The following MECR variants were observed in gnomAD, a reference collection of about 807,000 sequenced individuals.
MECR encodes the protein enoyl-[acyl-carrier-protein] reductase, mitochondrial.
Under a neutral mutation model 49.1 loss-of-function variants are expected in MECR, and 37 were observed. The ratio of observed to expected loss-of-function variants is 0.75; its 90% CI spans 0.58 to 0.99. The LOEUF (loss-of-function observed/expected upper bound fraction) is 0.99. MECR is among the 50% of genes least tolerant of loss of function. The pLI is 0.00. For missense variants in MECR, 470 were observed against 479.6 expected (o/e 0.98, Z 0.19); for synonymous variants, 198 against 191.1 (o/e 1.04, Z -0.30).
the MECR span, chr1:29,181,914 G>T: frequency 2.1e-6 from 1 of 470,516 alleles, no homozygotes; most frequent in Non-Finnish European, 3.5e-6. Context: ...TCGCGAGCGC[G>T]CGCTTCCACT....
intron 1 of MECR, among the ~76,000 whole-genome samples, chr1:29,225,733 G>A (rs941062981): frequency 1.4e-4 from 22 of 152,086 alleles, no homozygotes; most frequent in Non-Finnish European, 1.3e-4. Flanking sequence ...CTAAAATGTG[G>A]GTTTAAAAAT....
intron 4 of MECR, among the ~76,000 whole-genome samples, chr1:29,205,987 A>G (rs984625273): frequency 6.6e-6 from 1 of 152,122 alleles, no homozygotes; most frequent in Non-Finnish European, 1.5e-5. Flanking sequence ...AACCCAAATA[A>G]AAACACTTGG....
the MECR span, among the ~76,000 whole-genome samples, chr1:29,178,898 G>A: frequency 6.6e-6 from 1 of 152,162 alleles, no homozygotes; most frequent in Non-Finnish European, 1.5e-5. Context: ...ATTCCTCAAT[G>A]ATGCCAGGAG....
Position 29,228,609 on chromosome 1 carries a change from C to G in MECR, c.176+2122G>C, listed in dbSNP as rs145208079. 5.6e-3 allele frequency among the ~76,000 whole-genome samples: 847 copies of G among 152,176 alleles called. 9 individuals are homozygous for G. Among genetic ancestry groups the G allele is most frequent in the African/African-American group, 0.019 (797 of 41,504 alleles). On this transcript the variant is annotated intron_variant, in intron 1 of 9. Transcript: ENST00000263702. The stretch of plus-strand genomic sequence containing the variant: ...GGGATTACAGGCATGAGCCATCGCG[C>G]CCGGTTGGAAGTATCATGTTTTGAA...
chr1:29,206,111 T>C (rs1676515283), intron 4 of MECR, among the ~76,000 whole-genome samples: 1 of 152,254 alleles, frequency 6.6e-6, no homozygotes, highest in African/African-American at 2.4e-5. Flanking sequence ...CTCTGCACTG[T>C]ATGCCCAGCA....
intron 1 of MECR, chr1:29,223,837 C>G (rs1171924056): frequency 3.3e-5 from 5 of 152,088 alleles, no homozygotes; most frequent in African/African-American, 1.2e-4. Context: ...AAGGGCCTGG[C>G]TCCCAGGGAA....
chr1:29,175,082 G>A, the MECR span, among the ~76,000 whole-genome samples: 4 of 151,216 alleles, frequency 2.6e-5, no homozygotes, highest in African/African-American at 9.7e-5. Flanking sequence ...AACCCAAAAT[G>A]CAAAGAGTTA....
At chr1:29,194,522 G>A (rs976589055) in intron 9 of MECR, among the ~76,000 whole-genome samples, 1 of 152,170 alleles carries the variant, frequency 6.6e-6, no homozygotes, top group Non-Finnish European at 1.5e-5. Context: ...AAAGGATGGC[G>A]GAGGCAGGGA....
intron 2 of MECR, 72 bp from the exon 3 acceptor site, chr1:29,216,208 G>C: frequency 7.1e-6 from 11 of 1,559,308 alleles, no homozygotes; most frequent in Non-Finnish European, 9.6e-6. Flanking sequence ...TTGAGTCCAC[G>C]CCATCCTAGG....
chr1:29,203,913 G>C (rs1253859561), intron 4 of MECR, among the ~76,000 whole-genome samples: 5 of 152,240 alleles, frequency 3.3e-5, no homozygotes, highest in African/African-American at 1.2e-4. Context: ...CTACAGTTCT[G>C]TGGCAAAGCC....
the MECR span, among the ~76,000 whole-genome samples, chr1:29,179,191 G>A: frequency 6.6e-6 from 1 of 152,020 alleles, no homozygotes; most frequent in Non-Finnish European, 1.5e-5. Flanking sequence ...TCTAATAGTC[G>A]TTGTTTCTGG....
rs150101123 is a variant in MECR at position 29,202,034 on chromosome 1, T to C, written c.665A>G (p.Gln222Arg). ...INVVRDRPDIQKLSDRLKSLG... is the reference protein window; with the variant it reads ...INVVRDRPDIRKLSDRLKSLG... Reference sequence around the variant, plus strand: ...ACTCTTCAGTCTGTCACTCAGCTTCTGGATATCAGGTCTGGAAACCAAACA... The same window carrying C: ...ACTCTTCAGTCTGTCACTCAGCTTCCGGATATCAGGTCTGGAAACCAAACA... The change falls in exon 6 of 10, where the codon CAG becomes CGG. Residue 222 changes from glutamine to arginine, a missense_variant. Physicochemically the swap from Gln to Arg is conservative, Grantham distance 43. Coordinates refer to ENST00000263702, the MANE Select transcript of MECR (RefSeq NM_016011.5). 7 of 1,614,084 alleles carry C rather than the reference T, an allele frequency of 4.3e-6. No homozygotes were observed. The highest frequency in any genetic ancestry group is 5.9e-6 in the Non-Finnish European group (7 of 1,180,036).
downstream of MECR, among the ~76,000 whole-genome samples, chr1:29,191,138 C>T (rs965700468): frequency 6.6e-6 from 1 of 152,166 alleles, no homozygotes; most frequent in African/African-American, 2.4e-5. Flanking sequence ...GAATCATTGC[C>T]TTCACTGTTC....
chr1:29,175,725 T>G, the MECR span, among the ~76,000 whole-genome samples: 2 of 110,152 alleles, frequency 1.8e-5, no homozygotes, highest in African/African-American at 6.2e-5. Flanking sequence ...AAAAAAAAAT[T>G]TCCAATTATA....
At chr1:29,206,932 A>G (rs199725037) in intron 3 of MECR, 27 bp from the exon 4 acceptor site, 139 of 1,613,132 alleles carry the variant, frequency 8.6e-5, no homozygotes, top group East Asian at 2.2e-5. Flanking sequence ...AGCCAGGATC[A>G]TAAGGAAGGA....
chr1:29,181,815 C>T, the MECR span: 1 of 1,402,732 alleles, frequency 7.1e-7, no homozygotes, highest in Admixed American at 2.7e-5. Flanking sequence ...GCGGGCAAAG[C>T]GAGAGCACGG....
chr1:29,216,857 GGGCGTGGT>G, intron 1 of MECR, 172 bp from the exon 2 acceptor site: 1 of 1,414,844 alleles, frequency 7.1e-7, no homozygotes, highest in East Asian at 2.6e-5. Flanking sequence ...ACAGGAGGCT[GGGCGTGGT>G]GGCTCACGCC....
chr1:29,196,256 C>T lies in MECR; in HGVS notation c.833G>A (p.Arg278His), dbSNP rs762165267. 44 of 1,611,370 alleles carry T rather than the reference C, an allele frequency of 2.7e-5. No individual in the cohort carries two copies. The highest frequency in any genetic ancestry group is 1.2e-4 in the Admixed American group (7 of 59,876). Residue 278 changes from arginine (R) to histidine (H), a missense_variant and splice_region_variant, in exon 8 of 10, where the codon CGT (arginine) becomes CAT (histidine). Coordinates refer to ENST00000263702, the MANE Select transcript of MECR (RefSeq NM_016011.5). ...SSTELLRQLA[R>H]GGTMVTYGGM... ...CCCATAGGTTACCATGGTTCCTCCA[C>T]GCCTGAAAAGTCCAAAGAGAACAAA...
At chr1:29,217,815 C>T (rs553793064) in intron 1 of MECR, among the ~76,000 whole-genome samples, 30 of 152,180 alleles carry the variant, frequency 2.0e-4, no homozygotes, top group South Asian at 1.9e-3. Flanking sequence ...AGAGTGTGGG[C>T]GTAATGGGGA....
Sources: allele counts gnomAD v4.1 joint callset (sites outside exome capture counted in the v4.1 genomes callset), GRCh38; gene constraint gnomAD v4.1.1; transcripts MANE v1.5; gene names NCBI Gene and HGNC (gene_info 2026-07-23, HGNC 2026-07-21).